The following NFIB variants were observed in gnomAD, a reference collection of about 807,000 sequenced individuals.
NFIB encodes the protein nuclear factor 1 B-type.
Under a neutral mutation model 61.5 loss-of-function variants are expected in NFIB, and 11 were observed. The ratio of observed to expected loss-of-function variants is 0.18; its 90% CI spans 0.11 to 0.30. NFIB has a LOEUF of 0.30. NFIB is among the 10% of genes least tolerant of loss of function. The pLI is 1.00. For synonymous variants in NFIB, 260 were observed against 216.5 expected (o/e 1.20, Z -1.76); for missense variants, 471 against 608.9 (o/e 0.77, Z 2.38).
At chr9:14,200,037 C>G (rs2048865144) in intron 2 of NFIB, among the ~76,000 whole-genome samples, 1 of 152,108 alleles carries the variant, frequency 6.6e-6, no homozygotes, top group African/African-American at 2.4e-5. Context: ...AGAGTGAATC[C>G]AGGGACCTGG....
chr9:14,382,527 G>A (rs2061500896), intron 1 of NFIB, among the ~76,000 whole-genome samples: 1 of 152,086 alleles, frequency 6.6e-6, no homozygotes, highest in South Asian at 2.1e-4. Context: ...AGCCTGACAT[G>A]CAGCCTGGCT....
At chr9:14,352,620 C>G (rs956268698) in intron 1 of NFIB, among the ~76,000 whole-genome samples, 3 of 152,244 alleles carry the variant, frequency 2.0e-5, no homozygotes, top group African/African-American at 7.2e-5. Context: ...TTTCCATGCT[C>G]TGTCACCCGG....
the NFIB span, among the ~76,000 whole-genome samples, chr9:14,509,296 C>T: frequency 3.9e-5 from 6 of 152,194 alleles, no homozygotes; most frequent in East Asian, 1.9e-4. Context: ...TGGCCAGACA[C>T]ACATGTTCTG....
the NFIB span, among the ~76,000 whole-genome samples, chr9:14,500,804 C>T: frequency 1.3e-5 from 2 of 152,260 alleles, no homozygotes; most frequent in East Asian, 1.9e-4. Context: ...GGGACTCTCA[C>T]GCATTTCCCA....
At chr9:14,103,112 G>C (rs1370821198) in intron 10 of NFIB, among the ~76,000 whole-genome samples, 4 of 152,122 alleles carry the variant, frequency 2.6e-5, no homozygotes, top group African/African-American at 9.7e-5. Context: ...TAAACTCAGA[G>C]TAATGGCATT....
intron 3 of NFIB, among the ~76,000 whole-genome samples, chr9:14,178,025 T>C (rs1375841974): frequency 2.6e-5 from 4 of 152,210 alleles, no homozygotes; most frequent in African/African-American, 9.6e-5. Context: ...AACTGCTTTA[T>C]TAGTTTCAAA....
chr9:14,164,362 TA>T (rs1328185249), intron 3 of NFIB, among the ~76,000 whole-genome samples: 2 of 152,096 alleles, frequency 1.3e-5, no homozygotes, highest in Non-Finnish European at 2.9e-5. Flanking sequence ...ACACCTAGGC[TA>T]TATGCATGAA....
intron 10 of NFIB, among the ~76,000 whole-genome samples, chr9:14,099,671 T>C (rs1193232431): frequency 6.6e-6 from 1 of 152,234 alleles, no homozygotes; most frequent in Non-Finnish European, 1.5e-5. Context: ...CCACAGCATT[T>C]AGCACAGCTC....
At chr9:14,188,628 T>C (rs901519750) in intron 2 of NFIB, among the ~76,000 whole-genome samples, 1 of 152,242 alleles carries the variant, frequency 6.6e-6, no homozygotes, top group African/African-American at 2.4e-5. Flanking sequence ...CCATATCTTA[T>C]AATATTAGAT....
the NFIB span, among the ~76,000 whole-genome samples, chr9:14,442,530 A>G: frequency 6.6e-6 from 1 of 152,088 alleles, no homozygotes; most frequent in Non-Finnish European, 1.5e-5. Context: ...GGCTACAAGG[A>G]GCTAGCAGGG....
intron 2 of NFIB, among the ~76,000 whole-genome samples, chr9:14,185,201 G>C (rs2047210941): frequency 6.6e-6 from 1 of 152,104 alleles, no homozygotes; most frequent in Non-Finnish European, 1.5e-5. Flanking sequence ...TAGGAAAGGT[G>C]GGCAAGGGCA....
the NFIB span, among the ~76,000 whole-genome samples, chr9:14,427,937 GTTTTTTTTT>G: frequency 0.027 from 1,162 of 43,462 alleles, 94 homozygotes; most frequent in African/African-American, 0.086. Flanking sequence ...TAATTCAGTT[GTTTTTTTTT>G]TTTTTTTTTT....
intron 1 of NFIB, among the ~76,000 whole-genome samples, chr9:14,383,159 G>A (rs559772481): frequency 3.3e-5 from 5 of 152,260 alleles, no homozygotes; most frequent in South Asian, 4.2e-4. Context: ...AAGAAAGCTC[G>A]GTAGCAAATT....
At chr9:14,112,888 G>T (rs2037588504) in intron 10 of NFIB, 111 bp downstream of exon 10, 8 of 918,458 alleles carry the variant, frequency 8.7e-6, no homozygotes, top group African/African-American at 3.4e-5. Context: ...ATCAGTTTTG[G>T]TCTCAGAAGC....
At chr9:14,406,510 TTC>T in the NFIB span, among the ~76,000 whole-genome samples, 2 of 152,132 alleles carry the variant, frequency 1.3e-5, no homozygotes, top group African/African-American at 4.8e-5. Context: ...GTGCTTTGAG[TTC>T]TCTTTCTTGG....
chr9:14,523,088 G>A, the NFIB span, among the ~76,000 whole-genome samples: 2 of 152,098 alleles, frequency 1.3e-5, no homozygotes, highest in Non-Finnish European at 2.9e-5. Flanking sequence ...GGCTGAGAGG[G>A]ACCTGATTTT....
intron 1 of NFIB, among the ~76,000 whole-genome samples, chr9:14,375,611 T>G (rs1461507250): frequency 6.6e-6 from 1 of 151,930 alleles, no homozygotes; most frequent in Non-Finnish European, 1.5e-5. Flanking sequence ...TGAGCTGAGA[T>G]TGCACCACTG....
At chr9:14,524,165 G>A in the NFIB span, among the ~76,000 whole-genome samples, 1 of 152,082 alleles carries the variant, frequency 6.6e-6, no homozygotes, top group African/African-American at 2.4e-5. Context: ...ATAAGATGTG[G>A]TCCCCATCCT....
the NFIB span, among the ~76,000 whole-genome samples, chr9:14,514,869 T>C: frequency 6.6e-6 from 1 of 152,122 alleles, no homozygotes; most frequent in Non-Finnish European, 1.5e-5. Context: ...TTGAAAGACT[T>C]GGGCATCTTA....
Sources: allele counts gnomAD v4.1 joint callset (sites outside exome capture counted in the v4.1 genomes callset), GRCh38; gene constraint gnomAD v4.1.1; transcripts MANE v1.5; gene names NCBI Gene and HGNC (gene_info 2026-07-23, HGNC 2026-07-21).